The following CPPED1 variants were observed in gnomAD, a reference collection of about 807,000 sequenced individuals.
The protein encoded by CPPED1 is serine/threonine-protein phosphatase CPPED1.
Under a neutral mutation model 28.0 loss-of-function variants are expected in CPPED1, and 28 were observed. That is an observed-to-expected ratio of 1.00 (90% CI 0.74 to 1.37). The LOEUF (loss-of-function observed/expected upper bound fraction) is 1.37. Ranked by LOEUF, CPPED1 falls within the 40% of genes most tolerant of loss-of-function variation. CPPED1 has a pLI of 0.00. For missense variants in CPPED1, 504 were observed against 416.5 expected, an observed-to-expected ratio of 1.21 and a Z score of -1.83; for synonymous variants, 198 against 180.2, an observed-to-expected ratio of 1.10 and a Z score of -0.79.
intron 3 of CPPED1, among the ~76,000 whole-genome samples, chr16:12,698,599 T>C (rs2080004611): frequency 6.6e-6 from 1 of 152,124 alleles, no homozygotes; most frequent in Non-Finnish European, 1.5e-5. Flanking sequence ...GCCCGGCTAA[T>C]TTCTATATTT....
chr16:12,791,509 T>A (rs2080596474), intron 1 of CPPED1, among the ~76,000 whole-genome samples: 1 of 152,168 alleles, frequency 6.6e-6, no homozygotes, highest in Admixed American at 6.5e-5. Flanking sequence ...AGATCATGTG[T>A]CATCCTGTGC....
At chr16:12,779,946 C>T (rs2080520094) in intron 2 of CPPED1, among the ~76,000 whole-genome samples, 1 of 152,112 alleles carries the variant, frequency 6.6e-6, no homozygotes, top group East Asian at 1.9e-4. Flanking sequence ...CTTATACCTG[C>T]TTGCTGGGCT....
At chr16:12,717,042 C>G (rs2080110530) in intron 2 of CPPED1, among the ~76,000 whole-genome samples, 1 of 151,966 alleles carries the variant, frequency 6.6e-6, no homozygotes, top group Non-Finnish European at 1.5e-5. Flanking sequence ...GCCTGCTGAA[C>G]AGGGGGAAAG....
At chr16:12,716,768 C>T (rs1287824977) in intron 2 of CPPED1, among the ~76,000 whole-genome samples, 1 of 152,124 alleles carries the variant, frequency 6.6e-6, no homozygotes, top group Non-Finnish European at 1.5e-5. Flanking sequence ...TTCAATGCAC[C>T]CCTGCTACCC....
rs917708408 is a variant in CPPED1 at position 12,709,035 on chromosome 16, G to A, written c.290-3986C>T. On this transcript the variant is annotated intron_variant, in intron 2 of 3. Coordinates refer to ENST00000381774, the MANE Select transcript of CPPED1 (RefSeq NM_018340.3). This position sits in a 1 kb window ranked among gnomAD's most constrained non-coding sequence, Gnocchi z 4.4. ...GCAGAGGTTGCAGTGAGCCAATATCGCACTATTGCATTCCAGCCTGGGTGA... is the reference window on the plus strand; with the variant it reads ...GCAGAGGTTGCAGTGAGCCAATATCACACTATTGCATTCCAGCCTGGGTGA... 8.5e-5 allele frequency among the ~76,000 whole-genome samples: 13 copies of A among 152,154 alleles called. No homozygotes were observed. The highest frequency in any genetic ancestry group is 1.9e-4 in the Non-Finnish European group (13 of 68,022).
At position 12,660,650 on chromosome 16, in the gene CPPED1, T is replaced by C. The variant is rs1468111115; in HGVS notation, c.*4236A>G. ...ACATGTGCAATCAAAACTGTTGAGG[T>C]TACCTGAATAAAAAAAATCCCTGAT... On this transcript the variant is annotated 3_prime_UTR_variant, in exon 4 of 4. Transcript: ENST00000381774. 1 of 152,124 alleles carries C rather than the reference T, an allele frequency of 6.6e-6. No homozygotes were observed. Among genetic ancestry groups the C allele is most frequent in the Non-Finnish European group, 1.5e-5 (1 of 68,020 alleles). 9.4% of individuals were successfully genotyped at this position (152,124 alleles called of 1,614,324 possible).
rs868663905 is a variant in CPPED1 at position 12,731,671 on chromosome 16, A to C, written c.290-26622T>G. 1.7e-4 allele frequency among the ~76,000 whole-genome samples: 25 copies of C among 149,594 alleles called. No individual in the cohort carries two copies. The South Asian group carries it at 1.9e-3, about 12-fold the overall frequency. On this transcript the variant is annotated intron_variant, in intron 2 of 3. Coordinates refer to ENST00000381774, the MANE Select transcript of CPPED1 (RefSeq NM_018340.3). ...GCGATGGTGAAGGCCGTGGGCGAGA[A>C]GGCCTCCCTCCCCCGCATTTGTCAG...
At chr16:12,700,029 C>T (rs746176533) in intron 3 of CPPED1, among the ~76,000 whole-genome samples, 2 of 152,198 alleles carry the variant, frequency 1.3e-5, no homozygotes, top group Non-Finnish European at 2.9e-5. Flanking sequence ...AGTCTATCTG[C>T]CTGCAGCGGA....
chr16:12,752,175 A>T (rs1440789633), intron 2 of CPPED1, among the ~76,000 whole-genome samples: 1 of 152,132 alleles, frequency 6.6e-6, no homozygotes, highest in Admixed American at 6.5e-5. Context: ...GTGCTGTTTG[A>T]ATATAAAAAG....
chr16:12,801,628 A>G (rs558862378), intron 1 of CPPED1, among the ~76,000 whole-genome samples: 17 of 152,190 alleles, frequency 1.1e-4, no homozygotes, highest in Admixed American at 9.8e-4. Context: ...TAACTCTCCC[A>G]TGTGTCCACA....
At chr16:12,669,924 G>A (rs998383594) in intron 3 of CPPED1, among the ~76,000 whole-genome samples, 2 of 152,196 alleles carry the variant, frequency 1.3e-5, no homozygotes, top group Non-Finnish European at 1.5e-5. Context: ...GGAATCAAGT[G>A]ACAGGATTCC....
chr16:12,783,566 C>T (rs921134873), intron 1 of CPPED1, among the ~76,000 whole-genome samples: 1 of 151,996 alleles, frequency 6.6e-6, no homozygotes, highest in Admixed American at 6.6e-5. Context: ...GAAGTGGTGA[C>T]ATTTAAGCTG....
chr16:12,763,133 G>A (rs943592246), intron 2 of CPPED1, among the ~76,000 whole-genome samples: 2 of 151,702 alleles, frequency 1.3e-5, no homozygotes, highest in Admixed American at 6.6e-5. Flanking sequence ...TTGGGAGGCT[G>A]AGGCAGGAGA....
At chr16:12,758,914 G>A (rs1431795986) in intron 2 of CPPED1, among the ~76,000 whole-genome samples, 1 of 151,974 alleles carries the variant, frequency 6.6e-6, no homozygotes, top group African/African-American at 2.4e-5. Flanking sequence ...TGTAATTCCA[G>A]CACTCTGGGA....
chr16:12,724,228 G>A (rs1034733470), intron 2 of CPPED1, among the ~76,000 whole-genome samples: 18 of 152,090 alleles, frequency 1.2e-4, no homozygotes, highest in African/African-American at 4.3e-4. Context: ...AGACGTCCCC[G>A]AACTCACAGA....
chr16:12,801,222 T>C (rs1474358417), intron 1 of CPPED1, among the ~76,000 whole-genome samples: 4 of 152,180 alleles, frequency 2.6e-5, no homozygotes, highest in Admixed American at 1.3e-4. Flanking sequence ...GCCTCCCAAG[T>C]AGCTAGGACT....
chr16:12,734,029 T>G (rs1163091001), intron 2 of CPPED1, among the ~76,000 whole-genome samples: 1 of 151,614 alleles, frequency 6.6e-6, no homozygotes, highest in Non-Finnish European at 1.5e-5. Context: ...GGACAATAAT[T>G]TGTCTTTGTC....
At chr16:12,738,509 T>C (rs1247358134) in intron 2 of CPPED1, among the ~76,000 whole-genome samples, 4 of 152,210 alleles carry the variant, frequency 2.6e-5, no homozygotes, top group African/African-American at 9.7e-5. Flanking sequence ...AATATTTTAG[T>C]TCACAAATGT....
rs1305650698 is a variant in CPPED1 at position 12,661,492 on chromosome 16, C to G, written c.*3394G>C. 6.6e-6 allele frequency: 1 copy of G among 152,186 alleles called. No homozygotes were observed. Among genetic ancestry groups the G allele is most frequent in the Non-Finnish European group, 1.5e-5 (1 of 68,036 alleles). The allele number at this position is 152,186 out of a possible 1,614,324, so 9.4% of individuals were successfully genotyped here. A position where few individuals can be genotyped will look rare whatever the true frequency, so the allele number is the denominator to read the frequency against. On this transcript the variant is annotated 3_prime_UTR_variant, in exon 4 of 4. Coordinates refer to ENST00000381774, the MANE Select transcript of CPPED1 (RefSeq NM_018340.3). Reference sequence around the variant, plus strand: ...AAAAGTAAATGATCATCTCCCCAGCCCCATTCCCAAAGTCACTTGAGCCTT... The same window carrying G: ...AAAAGTAAATGATCATCTCCCCAGCGCCATTCCCAAAGTCACTTGAGCCTT...
Sources: allele counts gnomAD v4.1 joint callset (sites outside exome capture counted in the v4.1 genomes callset), GRCh38; gene constraint gnomAD v4.1.1; non-coding constraint Gnocchi (gnomAD v3.1); transcripts MANE v1.5; gene names NCBI Gene and HGNC (gene_info 2026-07-23, HGNC 2026-07-21).